SYNPO2: variants seen among roughly 807,000 people sequenced by gnomAD.
SYNPO2 encodes the protein synaptopodin-2.
SYNPO2 carries 56 observed loss-of-function variants against 85.0 expected under a neutral mutation model. The observed-to-expected ratio is 0.66, with a 90% CI of 0.53 to 0.82. The LOEUF (loss-of-function observed/expected upper bound fraction) is 0.82, where lower values mean the gene tolerates loss of function less well. SYNPO2 is among the 40% of genes least tolerant of loss of function. The pLI is 0.00. For synonymous variants in SYNPO2, 602 were observed against 591.1 expected (o/e 1.02, Z -0.27); for missense variants, 1,575 against 1,534.2 (o/e 1.03, Z -0.44).
chr4:119,036,835 A>C, intron 4 of SYNPO2: 1 of 1,065,454 alleles, frequency 9.4e-7, no homozygotes, highest in African/African-American at 1.7e-5. Context: ...CAATTGAATA[A>C]AGAGAAATTT....
chr4:119,027,405 A>G lies in SYNPO2; in HGVS notation c.1036A>G (p.Ser346Gly), dbSNP rs994632440. ...GEDPRSEKDH[S>G]RPHKHRARHA... ...AGATCCACGCTCGGAAAAAGATCACAGCAGACCTCACAAGCACCGAGCGCG... is the reference window on the plus strand; with the variant it reads ...AGATCCACGCTCGGAAAAAGATCACGGCAGACCTCACAAGCACCGAGCGCG... Residue 346 changes from serine to glycine, a missense_variant, in exon 3 of 5, where the codon AGC becomes GGC. By Grantham distance (56) the Ser-to-Gly change is moderately conservative (BLOSUM62 0). This residue lies in a region of SYNPO2 where 1,508 missense variants were observed against 1,446.8 expected (regional missense o/e 1.04). Coordinates refer to ENST00000307142, the MANE Select transcript of SYNPO2 (RefSeq NM_133477.3). The G allele has an allele frequency of 1.2e-6, 2 of 1,610,084 alleles. No individual in the cohort carries two copies. The highest frequency in any genetic ancestry group is 1.3e-5 in the African/African-American group (1 of 74,964).
At chr4:118,977,931 T>C (rs746841851) in intron 1 of SYNPO2, among the ~76,000 whole-genome samples, 1 of 152,194 alleles carries the variant, frequency 6.6e-6, no homozygotes, top group Non-Finnish European at 1.5e-5. Flanking sequence ...TGGTTCCAGG[T>C]AGTAGGTTAC....
At chr4:118,869,829 C>T (rs533979191) in intron 1 of SYNPO2, among the ~76,000 whole-genome samples, 17 of 152,132 alleles carry the variant, frequency 1.1e-4, no homozygotes, top group Admixed American at 9.8e-4. Context: ...ATCTCAGCCA[C>T]GGTTACCTTG....
chr4:118,997,501 C>A (rs1228282775), intron 1 of SYNPO2, among the ~76,000 whole-genome samples: 1 of 152,142 alleles, frequency 6.6e-6, no homozygotes, highest in East Asian at 1.9e-4. Flanking sequence ...AGGGAAAAAA[C>A]ATATTGATAA....
chr4:118,893,312 A>G (rs114587440), intron 1 of SYNPO2, among the ~76,000 whole-genome samples: 2,375 of 152,344 alleles, frequency 0.016, 30 homozygotes, highest in Non-Finnish European at 0.022. Context: ...TTCATTATGC[A>G]TGAACTTTGC....
At chr4:118,894,447 G>A (rs1160913939) in intron 1 of SYNPO2, among the ~76,000 whole-genome samples, 3 of 152,096 alleles carry the variant, frequency 2.0e-5, no homozygotes, top group Non-Finnish European at 4.4e-5. Flanking sequence ...GGCAAGAGGG[G>A]AGACTAGCAG....
intron 4 of SYNPO2, chr4:119,037,806 T>C (rs1457063645): frequency 4.0e-6 from 1 of 249,492 alleles, no homozygotes; most frequent in East Asian, 1.8e-4. Flanking sequence ...CCTTGTGAGC[T>C]AGGTATGATC....
At chr4:119,016,745 G>A (rs939651229) in intron 1 of SYNPO2, among the ~76,000 whole-genome samples, 3 of 152,182 alleles carry the variant, frequency 2.0e-5, no homozygotes, top group African/African-American at 4.8e-5. Context: ...AGAAAGAAAA[G>A]CAGAGAATAC....
chr4:119,028,167 A>G (rs895041510), intron 3 of SYNPO2, among the ~76,000 whole-genome samples: 2 of 151,882 alleles, frequency 1.3e-5, no homozygotes, highest in Non-Finnish European at 2.9e-5. Flanking sequence ...TTGGGATAAG[A>G]ATTGCAGTTA....
chr4:118,981,935 A>C (rs1736023514), intron 1 of SYNPO2, among the ~76,000 whole-genome samples: 1 of 152,224 alleles, frequency 6.6e-6, no homozygotes, highest in Admixed American at 6.5e-5. Flanking sequence ...GTTCAGAGGA[A>C]AATAGTTGAC....
At chr4:119,048,478 G>GAA (rs1738938556) in intron 4 of SYNPO2, among the ~76,000 whole-genome samples, 1 of 152,118 alleles carries the variant, frequency 6.6e-6, no homozygotes, top group African/African-American at 2.4e-5. Flanking sequence ...AGTGGAGAGA[G>GAA]AAAAATAAAC....
In SYNPO2 at chr4:118,890,733, C is replaced by CTCTCTCTCTCTCTG. The variant is rs749295331; in HGVS notation, c.105+1593_105+1594insCTCTCTCTCTCTGT. The stretch of plus-strand genomic sequence containing the variant: ...TCTCTCTCTCTCTCTCTCTCTCTCT[C>CTCTCTCTCTCTCTG]TGTGTGTGTGTGTGTGTGTGTGTAG... On this transcript the variant is annotated intron_variant, in intron 1 of 4. Coordinates refer to ENST00000307142, the MANE Select transcript of SYNPO2 (RefSeq NM_133477.3). Among the ~76,000 whole-genome samples the CTCTCTCTCTCTCTG allele has an allele frequency of 8.9e-3, 1,121 of 126,050 alleles. 7 individuals are homozygous for CTCTCTCTCTCTCTG. Among genetic ancestry groups the CTCTCTCTCTCTCTG allele is most frequent in the Non-Finnish European group, 0.011 (682 of 60,384 alleles). 82.7% of individuals were successfully genotyped at this position (126,050 alleles called of 152,430 possible). A position where few individuals can be genotyped will look rare whatever the true frequency, so the allele number is the denominator to read the frequency against.
At chr4:118,875,823 G>T (rs1731895453) in intron 1 of SYNPO2, among the ~76,000 whole-genome samples, 1 of 152,226 alleles carries the variant, frequency 6.6e-6, no homozygotes, top group Non-Finnish European at 1.5e-5. Flanking sequence ...TCCACACTGG[G>T]TGAATTGGCA....
chr4:118,854,006 G>T (rs1402700503), intron 1 of SYNPO2, among the ~76,000 whole-genome samples: 1 of 152,112 alleles, frequency 6.6e-6, no homozygotes, highest in Non-Finnish European at 1.5e-5. Flanking sequence ...TTAAAAAAAT[G>T]CAATAAACTC....
chr4:119,053,339 T>C (rs1030517291), intron 4 of SYNPO2, among the ~76,000 whole-genome samples: 1 of 152,230 alleles, frequency 6.6e-6, no homozygotes, highest in Admixed American at 6.5e-5. Context: ...TATGGAATGA[T>C]TTATTTATAT....
At chr4:119,000,753 T>A (rs1362695114) in intron 1 of SYNPO2, among the ~76,000 whole-genome samples, 3 of 152,172 alleles carry the variant, frequency 2.0e-5, no homozygotes, top group Non-Finnish European at 4.4e-5. Flanking sequence ...GAAGCAAAGA[T>A]TAACAAGTTG....
rs114612124 is a variant in SYNPO2, at chr4:119,006,538, C to T, written c.106-16892C>T. On this transcript the variant is annotated intron_variant, in intron 1 of 4. Transcript: ENST00000307142. ...AAAATAAAGGAATGCATTTTGGGAA[C>T]AAAAATATGACAGACTCATAATTTG... is the stretch of plus-strand genomic sequence containing the variant. The T allele has an allele frequency of 8.5e-4, 129 of 152,216 alleles. 1 individual carries two copies. The highest frequency in any genetic ancestry group is 3.1e-3 in the African/African-American group (127 of 41,552). The allele number at this position is 152,216 out of a possible 1,614,324, so 9.4% of individuals were successfully genotyped here. A position where few individuals can be genotyped will look rare whatever the true frequency, so the allele number is the denominator to read the frequency against.
chr4:118,971,704 C>G (rs1005804329), intron 1 of SYNPO2, among the ~76,000 whole-genome samples: 4 of 152,202 alleles, frequency 2.6e-5, no homozygotes, highest in African/African-American at 4.8e-5. Context: ...ACACAGTGGT[C>G]TGAGGCAGTA....
At chr4:119,014,341 G>C (rs368882946) in intron 1 of SYNPO2, among the ~76,000 whole-genome samples, 1 of 152,192 alleles carries the variant, frequency 6.6e-6, no homozygotes, top group Non-Finnish European at 1.5e-5. Context: ...TTGAACCTGG[G>C]AGGCGGAGGT....
Sources: allele counts gnomAD v4.1 joint callset (sites outside exome capture counted in the v4.1 genomes callset), GRCh38; gene constraint gnomAD v4.1.1; regional missense constraint gnomAD v4.1.1; transcripts MANE v1.5; gene names NCBI Gene and HGNC (gene_info 2026-07-23, HGNC 2026-07-21).